The following FAM13A variants were observed in gnomAD, a reference collection of about 807,000 sequenced individuals.
The protein encoded by FAM13A is protein FAM13A.
Under a neutral mutation model 129.6 loss-of-function variants are expected in FAM13A, and 76 were observed. The ratio of observed to expected loss-of-function variants is 0.59; its 90% CI spans 0.49 to 0.71. The LOEUF is 0.71. FAM13A is among the 30% of genes least tolerant of loss of function. The pLI is 0.00. For missense variants in FAM13A, 1,108 were observed against 1,249.3 expected (o/e 0.89, Z 1.70); for synonymous variants, 443 against 449.9 (o/e 0.98, Z 0.20).
In FAM13A at chr4:88,859,599, T is replaced by C. The variant is rs114742959; in HGVS notation, c.844-8416A>G. On this transcript the variant is annotated intron_variant, in intron 6 of 23. Coordinates refer to ENST00000264344, the MANE Select transcript of FAM13A (RefSeq NM_014883.4). ...TGGCCAAGGAGAATGTATGAAGGAG[T>C]TGCTTACAAGAGAGGAAGCATGAAG... Among the ~76,000 whole-genome samples, 199 of 151,704 alleles carry C rather than the reference T, an allele frequency of 1.3e-3. 1 individual carries two copies. The highest frequency in any genetic ancestry group is 4.6e-3 in the African/African-American group (191 of 41,322).
At position 88,747,662 on chromosome 4, in the gene FAM13A, C is replaced by T. The variant is rs557334929; in HGVS notation, c.2351G>A (p.Arg784Gln). The stretch of plus-strand genomic sequence containing the variant: ...GTCCTCAGGGCGGCTGCTTTCCGCT[C>T]GCTTCTCCTGGAGCTTCCTCTGAAT... ...ESIQRKLQEKRAESSRPEDIK... is the reference protein window; with the variant it reads ...ESIQRKLQEKQAESSRPEDIK... Residue 784 changes from arginine (R) to glutamine (Q), a missense_variant, in exon 18 of 24, where the codon CGA becomes CAA. Transcript: ENST00000264344. 96 of 1,614,162 alleles carry T rather than the reference C, an allele frequency of 5.9e-5. No homozygotes were observed. Among genetic ancestry groups the T allele is most frequent in the Non-Finnish European group, 8.0e-5 (94 of 1,180,028 alleles).
In FAM13A at chr4:88,746,954, T is replaced by A. The variant is rs1199889082; in HGVS notation, c.2444A>T (p.Tyr815Phe). ...TACCGGCCGTCCATGAATGCTTTCATAATATAACAGAGCTTTCTGCAGAGC... is the reference window on the plus strand; with the variant it reads ...TACCGGCCGTCCATGAATGCTTTCAAAATATAACAGAGCTTTCTGCAGAGC... ...KVALQKALLY[Y>F]ESIHGRPVTK... Residue 815 changes from tyrosine (Y) to phenylalanine (F), a missense_variant, in exon 19 of 24, where the codon TAT becomes TTT. Physicochemically the swap from Tyr to Phe is conservative, Grantham distance 22. Around this residue, in one of 3 missense-constraint regions of FAM13A, gnomAD observed 529 missense variants for 621.2 expected, o/e 0.85. Transcript: ENST00000264344. 6.2e-7 allele frequency: 1 copy of A among 1,613,498 alleles called. No individual in the cohort carries two copies. Among genetic ancestry groups the A allele is most frequent in the Admixed American group, 1.7e-5 (1 of 60,014 alleles).
At chr4:88,946,401 CTTTTTTTTTTT>C (rs3067813) in intron 4 of FAM13A, among the ~76,000 whole-genome samples, 1,023 of 91,728 alleles carry the variant, frequency 0.011, 13 homozygotes, top group Non-Finnish European at 0.015. Context: ...CTCCCGCGTT[CTTTTTTTTTTT>C]TTTTTTTTTT....
chr4:88,877,317 G>A (rs1288619360), intron 6 of FAM13A, among the ~76,000 whole-genome samples: 1 of 152,094 alleles, frequency 6.6e-6, no homozygotes, highest in Non-Finnish European at 1.5e-5. Context: ...CTAACCTGAG[G>A]AAATAATTCT....
chr4:88,868,364 A>G (rs1740801678), intron 6 of FAM13A, among the ~76,000 whole-genome samples: 1 of 152,150 alleles, frequency 6.6e-6, no homozygotes, highest in Admixed American at 6.5e-5. Context: ...TGGATCTGGA[A>G]GTCATCCCTC....
chr4:89,001,919 T>G (rs534416521), intron 3 of FAM13A, among the ~76,000 whole-genome samples: 4 of 152,276 alleles, frequency 2.6e-5, no homozygotes, highest in African/African-American at 9.6e-5. Flanking sequence ...GAAAAACAGT[T>G]ACTGTCTAAA....
chr4:88,979,566 T>C (rs9307056), intron 4 of FAM13A, among the ~76,000 whole-genome samples: 105,159 of 151,516 alleles, frequency 0.69, 36,575 homozygotes, highest in Middle Eastern at 0.79. Flanking sequence ...TAATAGTACT[T>C]GCCTCATAGG....
chr4:89,008,039 C>G (rs543541476), intron 3 of FAM13A, among the ~76,000 whole-genome samples: 42 of 146,536 alleles, frequency 2.9e-4, no homozygotes, highest in African/African-American at 9.7e-4. Flanking sequence ...TTCCTTACTT[C>G]TAAATTCACT....
chr4:88,806,064 G>C (rs1409345968), intron 7 of FAM13A, among the ~76,000 whole-genome samples: 1 of 151,932 alleles, frequency 6.6e-6, no homozygotes, highest in Non-Finnish European at 1.5e-5. Context: ...TCAAAGTATA[G>C]AATGAATCCC....
chr4:89,029,500 T>C lies in FAM13A; in HGVS notation c.177A>G (p.Pro59=). The C allele has an allele frequency of 1.9e-6, 3 of 1,597,890 alleles. No homozygotes were observed. The highest frequency in any genetic ancestry group is 2.6e-6 in the Non-Finnish European group (3 of 1,175,720). Residue 59 remains proline, a synonymous_variant, in exon 2 of 24, where the codon CCA becomes CCG. Transcript: ENST00000264344. ...ATTCCACTATATTCCACACTACTGC[T>C]GGAATGCCATTCTCGGTGAGCCCCT... ...ERQGLTENGI[P]AVVWNIVEYL...
rs779579224 is a variant in FAM13A at position 88,737,599 on chromosome 4, C to G, written c.2563-44G>C. On this transcript the variant is annotated intron_variant, in intron 20 of 23. Coordinates refer to ENST00000264344, the MANE Select transcript of FAM13A (RefSeq NM_014883.4). ...AGTAGGTTACATTCCGAACCCCTTT[C>G]CCTTTCCCTCCAGCTCTCGGCCTCC... 17 of 1,506,532 alleles carry G rather than the reference C, an allele frequency of 1.1e-5. No individual in the cohort carries two copies. In the South Asian group the frequency reaches 1.7e-4, roughly 15 times the overall value. The allele number at this position is 1,506,532 out of a possible 1,614,324, so 93.3% of individuals were successfully genotyped here.
At chr4:88,985,989 C>G (rs1473592895) in intron 4 of FAM13A, among the ~76,000 whole-genome samples, 1 of 152,106 alleles carries the variant, frequency 6.6e-6, no homozygotes, top group African/African-American at 2.4e-5. Flanking sequence ...CATATACACA[C>G]TTATTTTTAC....
chr4:88,848,642 T>C (rs1737073795), intron 7 of FAM13A, among the ~76,000 whole-genome samples: 1 of 152,222 alleles, frequency 6.6e-6, no homozygotes, highest in African/African-American at 2.4e-5. Flanking sequence ...TGCTTGCTGG[T>C]CTACCAGCAC....
At chr4:88,918,806 G>C (rs1278378155) in intron 5 of FAM13A, among the ~76,000 whole-genome samples, 1 of 152,124 alleles carries the variant, frequency 6.6e-6, no homozygotes, top group East Asian at 1.9e-4. Flanking sequence ...TTCTCCCTCT[G>C]GGCATCAGGG....
At chr4:88,876,661 G>T (rs1192499985) in intron 6 of FAM13A, among the ~76,000 whole-genome samples, 1 of 151,720 alleles carries the variant, frequency 6.6e-6, no homozygotes, top group Admixed American at 6.6e-5. Context: ...GCTCAATCTC[G>T]GCTCACTGCA....
chr4:88,829,751 T>C (rs1322145097), intron 7 of FAM13A, among the ~76,000 whole-genome samples: 3 of 152,100 alleles, frequency 2.0e-5, no homozygotes, highest in African/African-American at 7.2e-5. Context: ...GAGGAGTGCG[T>C]GTAGGTAAAG....
rs142722451 is a variant in FAM13A at position 88,990,900 on chromosome 4, C to T, written c.605+73G>A. On this transcript the variant is annotated intron_variant, in intron 4 of 23. Coordinates refer to ENST00000264344, the MANE Select transcript of FAM13A (RefSeq NM_014883.4). ...TTCAGACTGAAATATGCTTCTACAT[C>T]CCAGTAATTTCAGACAGTAGTAAAC... The T allele has an allele frequency of 4.1e-5, 47 of 1,136,554 alleles. No homozygotes were observed. The African/African-American group carries it at 6.3e-4, about 15-fold the overall frequency. The allele number at this position is 1,136,554 out of a possible 1,614,324, so 70.4% of individuals were successfully genotyped here. A position where few individuals can be genotyped will look rare whatever the true frequency, so the allele number is the denominator to read the frequency against.
intron 7 of FAM13A, among the ~76,000 whole-genome samples, chr4:88,839,955 C>T (rs913879053): frequency 5.3e-5 from 8 of 152,058 alleles, no homozygotes; most frequent in Non-Finnish European, 8.8e-5. Flanking sequence ...GTAAAGATAG[C>T]GTTTAAAATC....
intron 7 of FAM13A, among the ~76,000 whole-genome samples, chr4:88,829,706 C>A (rs543951019): frequency 6.6e-6 from 1 of 152,238 alleles, no homozygotes; most frequent in Non-Finnish European, 1.5e-5. Context: ...TTACCAATAA[C>A]AGCAAAATGT....
Sources: allele counts gnomAD v4.1 joint callset (sites outside exome capture counted in the v4.1 genomes callset), GRCh38; gene constraint gnomAD v4.1.1; regional missense constraint gnomAD v4.1.1; transcripts MANE v1.5; gene names NCBI Gene and HGNC (gene_info 2026-07-23, HGNC 2026-07-21).